PTPN21: variants seen among roughly 807,000 people sequenced by gnomAD.
PTPN21 encodes the protein protein tyrosine phosphatase non-receptor type 21, also known as tyrosine-protein phosphatase non-receptor type 21.
In PTPN21, 77 loss-of-function variants were observed where a neutral mutation model predicts 131.8. That is an observed-to-expected ratio of 0.58 (90% confidence interval 0.49 to 0.71). PTPN21 has a LOEUF of 0.71. PTPN21 is among the 30% of genes least tolerant of loss of function. The pLI is 0.00. For synonymous variants in PTPN21, 715 were observed against 621.3 expected (o/e 1.15, Z -2.24); for missense variants, 1,552 against 1,527.1 (o/e 1.02, Z -0.27).
chr14:88,508,757 TG>T (rs766404576), intron 3 of PTPN21, among the ~76,000 whole-genome samples: 10 of 152,212 alleles, frequency 6.6e-5, no homozygotes, highest in East Asian at 3.9e-4. Flanking sequence ...CAGAGAAAAA[TG>T]GTTTCTGATA....
At chr14:88,476,839 A>G (rs190412210) in intron 13 of PTPN21, among the ~76,000 whole-genome samples, 3 of 152,316 alleles carry the variant, frequency 2.0e-5, no homozygotes, top group East Asian at 3.9e-4. Context: ...ACATAATTTT[A>G]CTAGTATTGT....
At chr14:88,474,089 T>C (rs1334697346) in intron 13 of PTPN21, among the ~76,000 whole-genome samples, 1 of 137,622 alleles carries the variant, frequency 7.3e-6, no homozygotes, top group Non-Finnish European at 1.5e-5. Context: ...GCAGACTGCA[T>C]TCCTTTTAAA....
At chr14:88,470,704 G>A (rs973382805) in intron 15 of PTPN21, among the ~76,000 whole-genome samples, 3 of 152,242 alleles carry the variant, frequency 2.0e-5, no homozygotes, top group African/African-American at 7.2e-5. Context: ...CTCACTCAGG[G>A]CTGCCAGCCC....
At chr14:88,470,177 G>A in intron 15 of PTPN21, 127 bp from the exon 16 acceptor site, 7 of 804,804 alleles carry the variant, frequency 8.7e-6, no homozygotes, top group Non-Finnish European at 1.3e-5. Context: ...TAGTAAACTG[G>A]ATTATTCAGC....
At chr14:88,526,547 CAAAAAAAAAAAAA>C (rs10587204) in intron 2 of PTPN21, among the ~76,000 whole-genome samples, 918 of 56,992 alleles carry the variant, frequency 0.016, 14 homozygotes, top group African/African-American at 0.029. Context: ...GAGATGATCT[CAAAAAAAAAAAAA>C]AAAAAAAAAA....
chr14:88,511,601 G>C (rs138859393), intron 3 of PTPN21, among the ~76,000 whole-genome samples: 1 of 152,084 alleles, frequency 6.6e-6, no homozygotes, highest in South Asian at 2.1e-4. Context: ...CCCAGGAGTC[G>C]GATGTTGCAG....
intron 13 of PTPN21, among the ~76,000 whole-genome samples, chr14:88,474,600 T>C (rs2077522828): frequency 6.6e-6 from 1 of 152,162 alleles, no homozygotes; most frequent in South Asian, 2.1e-4. Flanking sequence ...CTCTGCATTC[T>C]AGTGCAGACT....
Position 88,479,549 on chromosome 14 carries a change from G to C in PTPN21, c.1882C>G (p.Arg628Gly), listed in dbSNP as rs1331562273. 6.3e-7 allele frequency: 1 copy of C among 1,599,208 alleles called. No individual in the cohort carries two copies. The highest frequency in any genetic ancestry group is 8.5e-7 in the Non-Finnish European group (1 of 1,178,986). Residue 628 changes from arginine (R) to glycine (G), a missense_variant, in exon 13 of 19, where the codon CGC becomes GGC. Coordinates refer to ENST00000556564, the MANE Select transcript of PTPN21 (RefSeq NM_007039.4). ...TTCCGTTTGTGCAGCTGCGCGTGGC[G>C]CGCGGCGGTGAGGGGCTCGCTGACC... ...QEVSEPLTAARHAQLHKRNSI... is the reference protein window; with the variant it reads ...QEVSEPLTAAGHAQLHKRNSI...
intron 10 of PTPN21, among the ~76,000 whole-genome samples, chr14:88,495,095 CAT>C (rs2077890312): frequency 6.9e-6 from 1 of 145,438 alleles, no homozygotes; most frequent in Non-Finnish European, 1.5e-5. Flanking sequence ...TTCTGGCTGA[CAT>C]ATGGAAAATA....
At chr14:88,488,432 C>T (rs756441613) in intron 10 of PTPN21, among the ~76,000 whole-genome samples, 24 of 152,194 alleles carry the variant, frequency 1.6e-4, no homozygotes, top group South Asian at 2.1e-4. Context: ...CAGGCAGCCA[C>T]GCCATCAGTT....
intron 3 of PTPN21, among the ~76,000 whole-genome samples, chr14:88,508,834 T>C (rs2078137128): frequency 1.3e-5 from 2 of 152,244 alleles, no homozygotes; most frequent in African/African-American, 4.8e-5. Flanking sequence ...TAAGATGCTT[T>C]CTTAATATCT....
intron 14 of PTPN21, 110 bp from the exon 15 acceptor site, chr14:88,472,575 A>G (rs2077488245): frequency 1.4e-6 from 1 of 729,800 alleles, no homozygotes; most frequent in East Asian, 2.7e-5. Context: ...ACTGTATAAT[A>G]TTGAAAATTC....
At chr14:88,550,856 G>A (rs891750) in intron 1 of PTPN21, among the ~76,000 whole-genome samples, 36,105 of 152,046 alleles carry the variant, frequency 0.24, 4,456 homozygotes, top group East Asian at 0.32. Flanking sequence ...GCCATCCTCA[G>A]GATTAAATGA....
rs2077594313 is a variant in PTPN21 at position 88,479,137 on chromosome 14, G to A, written c.2294C>T (p.Pro765Leu). Residue 765 changes from proline (P) to leucine (L), a missense_variant, in exon 13 of 19, where the codon CCA (proline) becomes CTA (leucine). Pro to Leu is a moderately conservative substitution (Grantham distance 98). Around this residue, in one of 4 missense-constraint regions of PTPN21, gnomAD observed 1,016 missense variants for 883.5 expected, o/e 1.15. Transcript: ENST00000556564. ...LHILEPKAHV[P>L]DAEKRMMDSS... Reference sequence around the variant, plus strand: ...GTCCATCATCCTCTTCTCCGCGTCTGGGACGTGGGCCTTGGGCTCCAGGAT... The same window carrying A: ...GTCCATCATCCTCTTCTCCGCGTCTAGGACGTGGGCCTTGGGCTCCAGGAT... 6.4e-7 allele frequency: 1 copy of A among 1,553,238 alleles called. No individual in the cohort carries two copies. Among genetic ancestry groups the A allele is most frequent in the Non-Finnish European group, 8.7e-7 (1 of 1,151,952 alleles).
chr14:88,477,267 T>C (rs936958790), intron 13 of PTPN21, among the ~76,000 whole-genome samples: 1 of 151,728 alleles, frequency 6.6e-6, no homozygotes, highest in African/African-American at 2.4e-5. Flanking sequence ...CCAAAACTTA[T>C]TAAAAGAAAG....
rs1472403883 is a variant in PTPN21 at position 88,554,775 on chromosome 14, A to T, written c.-327T>A. ...CGCCAGCCCGGGCCGCGGCGCGCTC[A>T]TGGGGCTCGCACGCCTCACTTCCTG... On this transcript the variant is annotated 5_prime_UTR_variant, in exon 1 of 19. An upstream start codon of the reference 5' UTR is lost. Coordinates refer to ENST00000556564, the MANE Select transcript of PTPN21 (RefSeq NM_007039.4). 6.6e-6 allele frequency: 1 copy of T among 150,458 alleles called. No individual in the cohort carries two copies. Among genetic ancestry groups the T allele is most frequent in the African/African-American group, 2.4e-5 (1 of 41,192 alleles). 9.3% of individuals were successfully genotyped at this position (150,458 alleles called of 1,614,324 possible). A position where few individuals can be genotyped will look rare whatever the true frequency, so the allele number is the denominator to read the frequency against.
intron 12 of PTPN21, among the ~76,000 whole-genome samples, chr14:88,484,331 C>A (rs1295091185): frequency 6.6e-6 from 1 of 151,884 alleles, no homozygotes; most frequent in Non-Finnish European, 1.5e-5. Flanking sequence ...TTGGTATAGC[C>A]CCATACAGAG....
intron 2 of PTPN21, among the ~76,000 whole-genome samples, chr14:88,526,898 A>C (rs1319993538): frequency 6.6e-6 from 1 of 152,202 alleles, no homozygotes; most frequent in East Asian, 1.9e-4. Context: ...AAATGAGAAC[A>C]TAACGATGTT....
rs556413347 is a variant in PTPN21 at position 88,482,414 on chromosome 14, C to T, written c.1079-2062G>A. Among the ~76,000 whole-genome samples, 4 of 152,150 alleles carry T rather than the reference C, an allele frequency of 2.6e-5. No homozygotes were observed. The East Asian group carries it at 7.8e-4, about 30-fold the overall frequency. On this transcript the variant is annotated intron_variant, in intron 12 of 18. Coordinates refer to ENST00000556564, the MANE Select transcript of PTPN21 (RefSeq NM_007039.4). ...CCAAGGTGGGCAGATCACCCAAGGT[C>T]GGGAGTTTGAGACCAGCCTGACCAA...
Sources: allele counts gnomAD v4.1 joint callset (sites outside exome capture counted in the v4.1 genomes callset), GRCh38; gene constraint gnomAD v4.1.1; regional missense constraint gnomAD v4.1.1; transcripts MANE v1.5; gene names NCBI Gene and HGNC (gene_info 2026-07-23, HGNC 2026-07-21).